CPE: variants seen among roughly 807,000 people sequenced by gnomAD.
CPE encodes the protein carboxypeptidase E.
A neutral mutation model predicts 53.5 loss-of-function variants in CPE; 17 were observed. The ratio of observed to expected loss-of-function variants is 0.32; its 90% CI spans 0.22 to 0.48. The LOEUF is 0.48. Ranked by LOEUF, CPE falls within the 20% of genes least tolerant of loss-of-function variation. The probability of loss-of-function intolerance (pLI) is 0.99; values close to 1 mark genes in which losing one functional copy is unlikely to be tolerated. For missense variants in CPE, 524 were observed against 614.7 expected (o/e 0.85, Z 1.56); for synonymous variants, 226 against 228.8 (o/e 0.99, Z 0.11).
intron 1 of CPE, among the ~76,000 whole-genome samples, chr4:165,423,557 G>T (rs1242173452): frequency 1.3e-5 from 2 of 151,848 alleles, no homozygotes; most frequent in South Asian, 4.1e-4. Flanking sequence ...ATTAGCTATT[G>T]TATTTCATGT....
intron 1 of CPE, among the ~76,000 whole-genome samples, chr4:165,441,360 C>T (rs1039835433): frequency 3.3e-5 from 5 of 152,160 alleles, no homozygotes; most frequent in Non-Finnish European, 5.9e-5. Context: ...ACTTGGTGGA[C>T]CTTGGCTTTC....
At chr4:165,426,089 A>G (rs1314303033) in intron 1 of CPE, among the ~76,000 whole-genome samples, 4 of 152,228 alleles carry the variant, frequency 2.6e-5, no homozygotes, top group African/African-American at 7.2e-5. Flanking sequence ...AATTAAAATA[A>G]TGGATCATTT....
At chr4:165,480,318 T>G (rs1732382866) in intron 3 of CPE, among the ~76,000 whole-genome samples, 1 of 152,248 alleles carries the variant, frequency 6.6e-6, no homozygotes, top group Admixed American at 6.5e-5. Flanking sequence ...GATTTTAACT[T>G]AAAACATTTT....
At chr4:165,398,955 CA>C in intron 1 of CPE, among the ~76,000 whole-genome samples, 1 of 152,274 alleles carries the variant, frequency 6.6e-6, no homozygotes, top group Non-Finnish European at 1.5e-5. Context: ...TAAGAAGTTC[CA>C]CTTCAAATCA....
At chr4:165,440,402 C>CAAAGATAAG (rs1473992552) in intron 1 of CPE, among the ~76,000 whole-genome samples, 1 of 149,530 alleles carries the variant, frequency 6.7e-6, no homozygotes, top group African/African-American at 2.5e-5. Flanking sequence ...AGAAATTAAT[C>CAAAGATAAG]AAAGATAAGT....
intron 1 of CPE, among the ~76,000 whole-genome samples, chr4:165,443,649 G>A (rs1731654437): frequency 6.6e-6 from 1 of 152,186 alleles, no homozygotes; most frequent in Admixed American, 6.5e-5. Context: ...ACACCAGTCA[G>A]GTTGGATTAG....
intron 2 of CPE, among the ~76,000 whole-genome samples, 154 bp from the exon 3 acceptor site, chr4:165,467,534 A>G (rs1014133507): frequency 2.6e-5 from 4 of 152,242 alleles, no homozygotes; most frequent in East Asian, 3.8e-4. Context: ...TCATGTTTAT[A>G]TAAGTAAAGT....
At chr4:165,387,538 T>C (rs1011478563) in intron 1 of CPE, among the ~76,000 whole-genome samples, 20 of 152,120 alleles carry the variant, frequency 1.3e-4, no homozygotes, top group African/African-American at 2.2e-4. Context: ...TGGCCGGGCG[T>C]GGTGTCTCAC....
chr4:165,495,313 A>T (rs1272940331), intron 7 of CPE, among the ~76,000 whole-genome samples: 1 of 152,166 alleles, frequency 6.6e-6, no homozygotes, highest in Non-Finnish European at 1.5e-5. Flanking sequence ...CTATGATCGT[A>T]CGAGGTTTAT....
Position 165,450,398 on chromosome 4 carries a change from A to T in CPE, c.308-13992A>T, listed in dbSNP as rs200342787. 7.2e-5 allele frequency among the ~76,000 whole-genome samples: 11 copies of T among 152,304 alleles called. No homozygotes were observed. The East Asian group carries it at 2.1e-3, about 29-fold the overall frequency. On this transcript the variant is annotated intron_variant, in intron 1 of 8. Coordinates refer to ENST00000402744, the MANE Select transcript of CPE (RefSeq NM_001873.4). ...TATCTCAGTCCCTGAAGAAATAAAT[A>T]AAAAAGAGTAGCAGAAGATGGATGA...
At chr4:165,468,650 C>T (rs1305910035) in intron 3 of CPE, among the ~76,000 whole-genome samples, 2 of 152,172 alleles carry the variant, frequency 1.3e-5, no homozygotes, top group African/African-American at 4.8e-5. Flanking sequence ...CTTCCATTTC[C>T]CTTCTTCTGC....
In CPE at chr4:165,467,727, G is replaced by T; in HGVS notation, c.544G>T (p.Ala182Ser). Residue 182 changes from alanine to serine, a missense_variant, in exon 3 of 9, where the codon GCC becomes TCC. Transcript: ENST00000402744. ...LKDWFVGRSN[A>S]QGIDLNRNFP... The stretch of plus-strand genomic sequence containing the variant: ...GGACTGGTTTGTGGGTCGAAGCAAT[G>T]CCCAGGGAATAGATCTGAACCGGAA... The T allele has an allele frequency of 2.5e-6, 4 of 1,612,506 alleles. No individual in the cohort carries two copies. Among genetic ancestry groups the T allele is most frequent in the Non-Finnish European group, 3.4e-6 (4 of 1,179,332 alleles).
At position 165,379,603 on chromosome 4, in the gene CPE, G is replaced by GGGGAAGGA. The variant is rs1204798532; in HGVS notation, c.307+80_307+87dup. 4.8e-6 allele frequency: 6 copies of GGGGAAGGA among 1,251,228 alleles called. No homozygotes were observed. The East Asian group carries it at 1.7e-4, about 35-fold the overall frequency. 77.5% of individuals were successfully genotyped at this position (1,251,228 alleles called of 1,614,324 possible). A position where few individuals can be genotyped will look rare whatever the true frequency, so the allele number is the denominator to read the frequency against. On this transcript the variant is annotated intron_variant, in intron 1 of 8. Transcript: ENST00000402744. This position sits in a 1 kb window ranked among gnomAD's most constrained non-coding sequence, Gnocchi z 6.0. ...GCAGAGGGTGGGACTGGTGGCGGTG[G>GGGGAAGGA]GGGAAGGAGGGAGGGATGGGCCCAG...
At chr4:165,431,478 A>G (rs1179295775) in intron 1 of CPE, among the ~76,000 whole-genome samples, 1 of 152,218 alleles carries the variant, frequency 6.6e-6, no homozygotes, top group Non-Finnish European at 1.5e-5. Context: ...GGTAGTTTCC[A>G]TATAGACTCT....
intron 1 of CPE, among the ~76,000 whole-genome samples, chr4:165,402,154 A>G (rs6810964): frequency 0.45 from 68,530 of 152,016 alleles, 15,683 homozygotes; most frequent in Middle Eastern, 0.51. Flanking sequence ...ACTGTTTTGT[A>G]CCTATTTATT....
intron 1 of CPE, among the ~76,000 whole-genome samples, chr4:165,426,628 G>A (rs972565788): frequency 6.6e-6 from 1 of 152,090 alleles, no homozygotes; most frequent in Non-Finnish European, 1.5e-5. Flanking sequence ...AGTAGGAAAA[G>A]GCAAATGTCT....
intron 1 of CPE, among the ~76,000 whole-genome samples, chr4:165,426,907 G>C (rs1334794184): frequency 2.0e-5 from 3 of 152,198 alleles, no homozygotes; most frequent in Non-Finnish European, 4.4e-5. Context: ...TCGAGGCAGA[G>C]AGCGGGCCTG....
intron 1 of CPE, among the ~76,000 whole-genome samples, chr4:165,456,704 C>G (rs1230022604): frequency 6.8e-6 from 1 of 146,236 alleles, no homozygotes; most frequent in Non-Finnish European, 1.5e-5. Flanking sequence ...GTAGGAGTAG[C>G]TGGGACTACA....
At chr4:165,493,338 A>C (rs1732642147) in intron 7 of CPE, 68 bp downstream of exon 7, 4 of 1,119,616 alleles carry the variant, frequency 3.6e-6, no homozygotes, top group African/African-American at 3.1e-5. Flanking sequence ...TATCATAATT[A>C]TAAGTCTTAT....
Sources: gnomAD v4.1 joint callset for allele counts (sites outside exome capture counted in the v4.1 genomes callset) on GRCh38, gnomAD v4.1.1 for gene constraint, Gnocchi (gnomAD v3.1) non-coding constraint, MANE v1.5 for transcripts, NCBI Gene and HGNC (gene_info 2026-07-23, HGNC 2026-07-21) for gene names.